The following KIAA2012 variants were observed in gnomAD, a reference collection of about 807,000 sequenced individuals.
KIAA2012 encodes the protein KIAA2012.
Under a neutral mutation model 150.6 loss-of-function variants are expected in KIAA2012, and 125 were observed. The ratio of observed to expected loss-of-function variants is 0.83; its 90% CI spans 0.72 to 0.96. KIAA2012 has a LOEUF of 0.96. KIAA2012 is among the 40% of genes least tolerant of loss of function. The pLI is 0.00. For missense variants in KIAA2012, 1,219 were observed against 1,354.9 expected, an observed-to-expected ratio of 0.90 and a Z score of 1.57; for synonymous variants, 462 against 504.7, an observed-to-expected ratio of 0.92 and a Z score of 1.13.
intron 14 of KIAA2012, among the ~76,000 whole-genome samples, chr2:202,159,810 C>T (rs971537144): frequency 2.0e-5 from 3 of 152,132 alleles, no homozygotes; most frequent in African/African-American, 7.2e-5. Context: ...CAACTGCACT[C>T]CAGCCTGGGC....
intron 13 of KIAA2012, among the ~76,000 whole-genome samples, chr2:202,149,448 G>A (rs1367651512): frequency 6.6e-6 from 1 of 152,202 alleles, no homozygotes; most frequent in African/African-American, 2.4e-5. Flanking sequence ...TGGTTACAAA[G>A]GCCCTCCTCC....
rs540535513 is a variant in KIAA2012 at position 202,095,859 on chromosome 2, G to A, written c.686-1576G>A. ...AACACTTTGGTAGGTTGAGGCGGGT[G>A]GATCACTTGAGGTCAGGAGTTAGAG... On this transcript the variant is annotated intron_variant, in intron 4 of 23. Coordinates refer to ENST00000498697, the MANE Select transcript of KIAA2012 (RefSeq NM_001277372.4). 3.3e-5 allele frequency among the ~76,000 whole-genome samples: 5 copies of A among 152,282 alleles called. No homozygotes were observed. In the East Asian group the frequency reaches 7.7e-4, roughly 24 times the overall value.
chr2:202,085,730 C>T (rs992850192), intron 2 of KIAA2012, among the ~76,000 whole-genome samples: 1 of 152,160 alleles, frequency 6.6e-6, no homozygotes, highest in Non-Finnish European at 1.5e-5. Context: ...AATGAATACA[C>T]CAAGATCAGC....
At chr2:202,193,954 C>T (rs1263666943) in intron 20 of KIAA2012, among the ~76,000 whole-genome samples, 1 of 152,196 alleles carries the variant, frequency 6.6e-6, no homozygotes, top group Non-Finnish European at 1.5e-5. Flanking sequence ...ACTTAAGACC[C>T]CTGCTGCAGA....
rs899940602 is a variant in KIAA2012, at chr2:202,179,322, T to C, written c.2120-5431T>C. The C allele has an allele frequency of 5.0e-6, 6 of 1,189,072 alleles. No homozygotes were observed. In the African/African-American group the frequency reaches 9.1e-5, roughly 18 times the overall value. 73.7% of individuals were successfully genotyped at this position (1,189,072 alleles called of 1,614,324 possible). On this transcript the variant is annotated intron_variant, in intron 15 of 23. Transcript: ENST00000498697. The stretch of plus-strand genomic sequence containing the variant: ...GGCGGAGCGCGGTACGGCTTTTCGC[T>C]GACTACATTCAGCCCGTCTGATAAA...
Position 202,140,097 on chromosome 2 carries a change from G to A in KIAA2012, c.1908+1589G>A, listed in dbSNP as rs112889831. Reference sequence around the variant, plus strand: ...ACAAAAATTAGCTGGGCATGGTGGCGCACATCTGTAATCCCAGCTACTCGG... The same window carrying A: ...ACAAAAATTAGCTGGGCATGGTGGCACACATCTGTAATCCCAGCTACTCGG... On this transcript the variant is annotated intron_variant, in intron 13 of 23. Coordinates refer to ENST00000498697, the MANE Select transcript of KIAA2012 (RefSeq NM_001277372.4). Among the ~76,000 whole-genome samples, 463 of 152,090 alleles carry A rather than the reference G, an allele frequency of 3.0e-3. 2 individuals are homozygous for A. The highest frequency in any genetic ancestry group is 0.01 in the African/African-American group (430 of 41,478).
intron 12 of KIAA2012, among the ~76,000 whole-genome samples, chr2:202,132,728 A>AGTATATATGTATATAT (rs1553556779): frequency 1.7e-5 from 1 of 60,550 alleles, no homozygotes; most frequent in East Asian, 3.4e-4. Context: ...ATATATATAT[A>AGTATATATGTATATAT]GTATATATGT....
At position 202,190,285 on chromosome 2, in the gene KIAA2012, C is replaced by T. The variant is rs1276947489; in HGVS notation, c.2603C>T (p.Pro868Leu). Residue 868 changes from proline to leucine, a missense_variant, in exon 19 of 24, where the codon CCT becomes CTT. Physicochemically the swap from Pro to Leu is moderately conservative, Grantham distance 98. Transcript: ENST00000498697. ...NLEIAAELSG[P>L]DVSYEETEDT... The stretch of plus-strand genomic sequence containing the variant: ...GAGATAGCGGCAGAGCTGAGCGGGC[C>T]TGATGTCAGCTATGAGGAAACAGAA... 3 of 1,550,458 alleles carry T rather than the reference C, an allele frequency of 1.9e-6. No homozygotes were observed. Among genetic ancestry groups the T allele is most frequent in the South Asian group, 2.4e-5 (2 of 84,046 alleles).
chr2:202,197,605 A>T (rs1030496412), intron 22 of KIAA2012: 1 of 154,192 alleles, frequency 6.5e-6, no homozygotes, highest in Admixed American at 6.3e-5. Flanking sequence ...CACACATGTT[A>T]ATTCCAGCAC....
At chr2:202,175,491 G>A (rs1005024376) in intron 15 of KIAA2012, among the ~76,000 whole-genome samples, 3 of 152,210 alleles carry the variant, frequency 2.0e-5, no homozygotes, top group African/African-American at 7.2e-5. Context: ...CCTCTGGGAG[G>A]TGATTAAGTC....
chr2:202,100,625 G>T lies in KIAA2012; in HGVS notation c.1155+176G>T, dbSNP rs144297590. ...AATAGAGCTGTAGTAATTTACTAAA[G>T]GTTGAAAATCACGAAGTGCAAGGAA... On this transcript the variant is annotated intron_variant, in intron 7 of 23. Coordinates refer to ENST00000498697, the MANE Select transcript of KIAA2012 (RefSeq NM_001277372.4). Among the ~76,000 whole-genome samples the T allele has an allele frequency of 9.5e-4, 145 of 152,322 alleles. 5 individuals are homozygous for T. The South Asian group carries it at 0.025, about 27-fold the overall frequency.
At chr2:202,075,275 T>C in intron 2 of KIAA2012, 100 bp downstream of exon 2, 1 of 1,321,214 alleles carries the variant, frequency 7.6e-7, no homozygotes, top group Non-Finnish European at 1.0e-6. Context: ...GGGGAAGGTA[T>C]GAAACTCTCA....
intron 9 of KIAA2012, among the ~76,000 whole-genome samples, chr2:202,108,908 C>T (rs995169790): frequency 6.6e-6 from 1 of 152,204 alleles, no homozygotes; most frequent in Non-Finnish European, 1.5e-5. Flanking sequence ...AGACCACTCC[C>T]TCTGAAAGAG....
chr2:202,171,687 A>G (rs1396661308), intron 15 of KIAA2012, among the ~76,000 whole-genome samples: 3 of 151,816 alleles, frequency 2.0e-5, no homozygotes, highest in South Asian at 2.1e-4. Flanking sequence ...AGGTCTAAAC[A>G]TCTGAAAAGC....
At chr2:202,197,862 TA>T (rs71025286) in intron 22 of KIAA2012, 44,225 of 113,964 alleles carry the variant, frequency 0.39, 9,135 homozygotes, top group Non-Finnish European at 0.48. Flanking sequence ...AGACTCTCTT[TA>T]AAAAAAAAAA....
In KIAA2012 at chr2:202,138,903, G is replaced by A. The variant is rs76790406; in HGVS notation, c.1908+395G>A. Among the ~76,000 whole-genome samples the A allele has an allele frequency of 7.7e-3, 1,179 of 152,302 alleles. 16 individuals carry two copies. The highest frequency in any genetic ancestry group is 0.025 in the African/African-American group (1,021 of 41,568). ...AAAAACAAAGTGCAAAGGTAATCAT[G>A]AAGAAAGGAGGATGGTGCTTCATCT... On this transcript the variant is annotated intron_variant, in intron 13 of 23. Transcript: ENST00000498697.
intron 22 of KIAA2012, among the ~76,000 whole-genome samples, chr2:202,199,920 ATTT>A (rs71025287): frequency 2.7e-3 from 202 of 76,214 alleles, no homozygotes; most frequent in African/African-American, 1.0e-2. Flanking sequence ...GCCCCTCATA[ATTT>A]TTTTTTTTTT....
rs115643725 is a variant in KIAA2012 at position 202,174,125 on chromosome 2, C to T, written c.2119+8769C>T. ...GGATTACAGTTGCTCACCACCGCACCTGGCTAATTTTTTGTATTTAGTAGA... is the reference window on the plus strand; with the variant it reads ...GGATTACAGTTGCTCACCACCGCACTTGGCTAATTTTTTGTATTTAGTAGA... On this transcript the variant is annotated intron_variant, in intron 15 of 23. Transcript: ENST00000498697. Among the ~76,000 whole-genome samples, 388 of 152,286 alleles carry T rather than the reference C, an allele frequency of 2.5e-3. 1 individual carries two copies. The highest frequency in any genetic ancestry group is 8.9e-3 in the African/African-American group (369 of 41,550).
chr2:202,165,079 T>C (rs903583239), intron 14 of KIAA2012, among the ~76,000 whole-genome samples: 10 of 152,104 alleles, frequency 6.6e-5, no homozygotes, highest in Non-Finnish European at 1.5e-4. Context: ...CATATTATTA[T>C]GCCTAGCCCT....
Sources: allele counts gnomAD v4.1 joint callset (sites outside exome capture counted in the v4.1 genomes callset), GRCh38; gene constraint gnomAD v4.1.1; transcripts MANE v1.5; gene names NCBI Gene and HGNC (gene_info 2026-07-23, HGNC 2026-07-21).